PRELID2: variants seen among roughly 807,000 people sequenced by gnomAD.
PRELID2 encodes the protein PRELI domain-containing protein 2.
PRELID2 carries 25 observed loss-of-function variants against 28.4 expected under a neutral mutation model. The observed-to-expected ratio is 0.88, with a 90% CI of 0.64 to 1.23. The LOEUF (loss-of-function observed/expected upper bound fraction) is 1.23, where lower values mean the gene tolerates loss of function less well. Among genes scored for constraint, PRELID2 ranks in the 50% most tolerant of loss-of-function variants. The pLI, the probability that PRELID2 is intolerant of heterozygous loss-of-function variation, is 0.00. For missense variants in PRELID2, 201 were observed against 214.4 expected (o/e 0.94, Z 0.39); for synonymous variants, 76 against 71.6 (o/e 1.06, Z -0.31).
At chr5:145,546,159 A>T (rs1044886464) in intron 1 of PRELID2, among the ~76,000 whole-genome samples, 1 of 152,286 alleles carries the variant, frequency 6.6e-6, no homozygotes, top group Admixed American at 6.5e-5. Context: ...CATTATATTT[A>T]TCATTTTTGA....
In PRELID2 at chr5:145,721,301, G is replaced by A. The variant is rs558767024; in HGVS notation, n.70+43630C>T. ...TTGATCTCACAGATTCCATGAAAGC[G>A]TTTCAAGGATCCCCTACTGAACATT... On this transcript the variant is annotated intron_variant and non_coding_transcript_variant, in intron 1 of 2. Transcript: ENST00000510259. Among the ~76,000 whole-genome samples, 34 of 152,190 alleles carry A rather than the reference G, an allele frequency of 2.2e-4. No individual in the cohort carries two copies. The South Asian group carries it at 2.7e-3, about 12-fold the overall frequency.
chr5:145,764,007 T>C (rs962625833), intron 6 of PRELID2, among the ~76,000 whole-genome samples: 1 of 151,926 alleles, frequency 6.6e-6, no homozygotes, highest in Non-Finnish European at 1.5e-5. Flanking sequence ...ACCCGGGAGA[T>C]GGAGGTTGCA....
intron 1 of PRELID2, among the ~76,000 whole-genome samples, chr5:145,741,419 T>C (rs1473256301): frequency 4.9e-5 from 4 of 82,074 alleles, no homozygotes; most frequent in African/African-American, 2.1e-4. Context: ...TTATTTATAA[T>C]TTATTTATAT....
intron 1 of PRELID2, among the ~76,000 whole-genome samples, chr5:145,530,923 C>A (rs1301322966): frequency 2.0e-5 from 3 of 152,054 alleles, no homozygotes; most frequent in East Asian, 1.9e-4. Context: ...GAGGAGAGAG[C>A]AAATATGTAG....
At chr5:145,651,139 C>G (rs1181970207) in intron 1 of PRELID2, among the ~76,000 whole-genome samples, 1 of 152,054 alleles carries the variant, frequency 6.6e-6, no homozygotes. Context: ...GGGTCCCACG[C>G]CCACGGAGCC....
the PRELID2 span, among the ~76,000 whole-genome samples, chr5:145,372,070 C>T: frequency 6.6e-6 from 1 of 151,858 alleles, no homozygotes; most frequent in Non-Finnish European, 1.5e-5. Flanking sequence ...TCCAGTTTCT[C>T]ATTTGGGCAT....
the PRELID2 span, among the ~76,000 whole-genome samples, chr5:145,359,239 G>A: frequency 6.6e-6 from 1 of 152,158 alleles, no homozygotes; most frequent in Non-Finnish European, 1.5e-5. Context: ...CTAGAGGTTA[G>A]CATAATCAAT....
At chr5:145,286,644 A>C in the PRELID2 span, among the ~76,000 whole-genome samples, 1 of 151,130 alleles carries the variant, frequency 6.6e-6, no homozygotes, top group Non-Finnish European at 1.5e-5. Flanking sequence ...CTGGGAACTT[A>C]TTTCCAGCTG....
chr5:145,404,013 G>A, the PRELID2 span, among the ~76,000 whole-genome samples: 1 of 152,154 alleles, frequency 6.6e-6, no homozygotes, highest in Non-Finnish European at 1.5e-5. Context: ...CAAGAGAAAT[G>A]TGTGTACCAA....
intron 1 of PRELID2, among the ~76,000 whole-genome samples, chr5:145,528,711 A>G (rs1752629554): frequency 7.8e-6 from 1 of 128,758 alleles, no homozygotes; most frequent in South Asian, 3.5e-4. Flanking sequence ...ACACACACAC[A>G]CACACACACA....
At chr5:145,495,460 G>T (rs992522333) in intron 1 of PRELID2, among the ~76,000 whole-genome samples, 12 of 152,068 alleles carry the variant, frequency 7.9e-5, no homozygotes, top group African/African-American at 2.7e-4. Flanking sequence ...CTCTAACTTG[G>T]TCTCATCTTG....
chr5:145,394,422 A>C, the PRELID2 span, among the ~76,000 whole-genome samples: 1 of 109,580 alleles, frequency 9.1e-6, no homozygotes, highest in Non-Finnish European at 1.8e-5. Flanking sequence ...ATCACACACC[A>C]GGGACTGTTG....
intron 1 of PRELID2, among the ~76,000 whole-genome samples, chr5:145,557,666 C>T (rs1371163785): frequency 6.6e-6 from 1 of 152,134 alleles, no homozygotes. Context: ...TAGTATGTGC[C>T]AGGTAACTGT....
At chr5:145,387,660 G>T in the PRELID2 span, among the ~76,000 whole-genome samples, 1 of 152,116 alleles carries the variant, frequency 6.6e-6, no homozygotes, top group African/African-American at 2.4e-5. Context: ...GGCTGAGCAT[G>T]GTGGCTCACA....
chr5:145,666,479 C>A (rs1360847981), intron 1 of PRELID2, among the ~76,000 whole-genome samples: 1 of 152,014 alleles, frequency 6.6e-6, no homozygotes, highest in Non-Finnish European at 1.5e-5. Context: ...CTATTCCAGA[C>A]AGGTAAAATA....
At chr5:145,348,024 C>T in the PRELID2 span, among the ~76,000 whole-genome samples, 1 of 152,064 alleles carries the variant, frequency 6.6e-6, no homozygotes, top group Non-Finnish European at 1.5e-5. Flanking sequence ...CAGGCAGTAA[C>T]ATCTTCTAAA....
chr5:145,422,280 G>T, the PRELID2 span, among the ~76,000 whole-genome samples: 1 of 150,838 alleles, frequency 6.6e-6, no homozygotes, highest in African/African-American at 2.4e-5. Flanking sequence ...TCAATTCCTG[G>T]GTATCCTTCT....
the PRELID2 span, among the ~76,000 whole-genome samples, chr5:145,447,125 G>A: frequency 1.3e-5 from 2 of 151,542 alleles, no homozygotes; most frequent in East Asian, 1.9e-4. Flanking sequence ...CACATTTTTT[G>A]ATATAGTCCT....
chr5:145,400,890 G>A, the PRELID2 span, among the ~76,000 whole-genome samples: 2 of 152,128 alleles, frequency 1.3e-5, no homozygotes, highest in African/African-American at 4.8e-5. Context: ...GGAACCTAAT[G>A]AGGCCATGTC....
Sources: gnomAD v4.1 joint callset for allele counts (sites outside exome capture counted in the v4.1 genomes callset) on GRCh38, gnomAD v4.1.1 for gene constraint, MANE v1.5 for transcripts, NCBI Gene and HGNC (gene_info 2026-07-23, HGNC 2026-07-21) for gene names.